MITF: variants seen among roughly 807,000 people sequenced by gnomAD.
MITF encodes microphthalmia-associated transcription factor.
MITF carries 17 observed loss-of-function variants against 60.5 expected under a neutral mutation model. That is an observed-to-expected ratio of 0.28 (90% CI 0.19 to 0.42). The LOEUF is 0.42. MITF is among the 10% of genes least tolerant of loss of function. The pLI is 1.00. For synonymous variants in MITF, 260 were observed against 248.5 expected, an observed-to-expected ratio of 1.05 and a Z score of -0.43; for missense variants, 622 against 683.5, an observed-to-expected ratio of 0.91 and a Z score of 1.00.
chr3:69,793,695 A>C (rs1020759107), intron 1 of MITF, among the ~76,000 whole-genome samples: 7 of 152,222 alleles, frequency 4.6e-5, no homozygotes, highest in Admixed American at 3.3e-4. Context: ...ACTTTTCTTT[A>C]TGTATTCACC....
chr3:69,911,001 T>A (rs1311611819), intron 2 of MITF, among the ~76,000 whole-genome samples: 2 of 152,050 alleles, frequency 1.3e-5, no homozygotes. Flanking sequence ...TACCCAAATC[T>A]CAACTTGAAT....
chr3:69,923,056 C>G (rs544284452), intron 2 of MITF, among the ~76,000 whole-genome samples: 4 of 152,092 alleles, frequency 2.6e-5, no homozygotes, highest in South Asian at 2.1e-4. Context: ...TCAGGAGAAG[C>G]CTTATTTATA....
chr3:69,777,187 A>T (rs1184326630), intron 1 of MITF, among the ~76,000 whole-genome samples: 1 of 152,214 alleles, frequency 6.6e-6, no homozygotes, highest in East Asian at 1.9e-4. Flanking sequence ...ATAAAAAAAA[A>T]TTAAAAAGTC....
chr3:69,943,161 C>T (rs937961158), intron 5 of MITF, among the ~76,000 whole-genome samples: 7 of 149,676 alleles, frequency 4.7e-5, no homozygotes, highest in Non-Finnish European at 8.9e-5. Flanking sequence ...CTTCCTCCCT[C>T]AAGTAGCTGG....
At chr3:69,779,768 C>T (rs1309094394) in intron 1 of MITF, among the ~76,000 whole-genome samples, 1 of 152,082 alleles carries the variant, frequency 6.6e-6, no homozygotes, top group Non-Finnish European at 1.5e-5. Flanking sequence ...GTGAGAAGTA[C>T]TGAGATATCC....
intron 1 of MITF, among the ~76,000 whole-genome samples, chr3:69,787,820 C>T (rs772786687): frequency 5.9e-5 from 9 of 152,140 alleles, no homozygotes; most frequent in Non-Finnish European, 1.3e-4. Context: ...ACAAAAATTA[C>T]ACCACTGATA....
intron 1 of MITF, among the ~76,000 whole-genome samples, chr3:69,796,098 CA>C (rs1182242025): frequency 2.0e-5 from 3 of 152,194 alleles, no homozygotes; most frequent in African/African-American, 7.2e-5. Flanking sequence ...TCTCCTGTCT[CA>C]GACTCCCGAG....
Position 69,910,634 on chromosome 3 carries a change from C to G in MITF, c.355-27188C>G, listed in dbSNP as rs980150391. Among the ~76,000 whole-genome samples, 4 of 152,338 alleles carry G rather than the reference C, an allele frequency of 2.6e-5. No individual in the cohort carries two copies. In the South Asian group the frequency reaches 6.2e-4, roughly 24 times the overall value. On this transcript the variant is annotated intron_variant, in intron 2 of 9. Coordinates refer to ENST00000352241, the MANE Select transcript of MITF (RefSeq NM_001354604.2). The stretch of plus-strand genomic sequence containing the variant: ...GCATCAGCATGACCTGGACGTAAGA[C>G]TTGGAGTCAAAGGAAATCATTTTGG...
intron 1 of MITF, among the ~76,000 whole-genome samples, 193 bp downstream of exon 1, chr3:69,739,894 C>T (rs1033918937): frequency 6.6e-6 from 1 of 152,192 alleles, no homozygotes; most frequent in African/African-American, 2.4e-5. Flanking sequence ...TTAGGAAGCT[C>T]GGATGGAGCG....
chr3:69,845,130 G>T (rs9828215), intron 1 of MITF, among the ~76,000 whole-genome samples: 1 of 151,770 alleles, frequency 6.6e-6, no homozygotes, highest in Non-Finnish European at 1.5e-5. Context: ...CTTGAATTAT[G>T]TTTCCTTCAT....
intron 1 of MITF, among the ~76,000 whole-genome samples, chr3:69,853,815 G>A (rs1452509575): frequency 6.6e-6 from 1 of 150,424 alleles, no homozygotes; most frequent in Non-Finnish European, 1.5e-5. Context: ...CTGATGTGTA[G>A]TGATGCATTG....
intron 1 of MITF, among the ~76,000 whole-genome samples, chr3:69,742,912 TC>T (rs897932755): frequency 3.3e-5 from 5 of 152,224 alleles, no homozygotes; most frequent in African/African-American, 1.2e-4. Context: ...TATATTTTTT[TC>T]CCATAGGGCT....
intron 1 of MITF, among the ~76,000 whole-genome samples, chr3:69,775,714 T>G (rs2062463133): frequency 6.6e-6 from 1 of 152,172 alleles, no homozygotes; most frequent in Non-Finnish European, 1.5e-5. Flanking sequence ...TTCATAATCC[T>G]TTTTTGGAGG....
At chr3:69,798,726 T>G (rs759367414) in intron 1 of MITF, among the ~76,000 whole-genome samples, 7 of 152,260 alleles carry the variant, frequency 4.6e-5, no homozygotes, top group Non-Finnish European at 8.8e-5. Context: ...CCCATAGTGC[T>G]TTAGCAACAG....
chr3:69,867,531 A>G (rs962660693), intron 1 of MITF, among the ~76,000 whole-genome samples: 4 of 151,962 alleles, frequency 2.6e-5, no homozygotes, highest in Non-Finnish European at 5.9e-5. Flanking sequence ...TTAATTACTC[A>G]CCTCTATAAA....
chr3:69,881,875 G>A (rs1156442785), intron 2 of MITF, among the ~76,000 whole-genome samples: 2 of 151,954 alleles, frequency 1.3e-5, no homozygotes, highest in African/African-American at 4.8e-5. Context: ...ATTTTTAAAG[G>A]TTTAACTTGC....
chr3:69,749,659 A>G (rs1703856193), intron 1 of MITF, among the ~76,000 whole-genome samples: 1 of 152,262 alleles, frequency 6.6e-6, no homozygotes, highest in Non-Finnish European at 1.5e-5. Flanking sequence ...ACCTAAAAAT[A>G]TAAGCAACTG....
intron 9 of MITF, among the ~76,000 whole-genome samples, chr3:69,960,007 A>G (rs1217872250): frequency 1.3e-5 from 2 of 152,208 alleles, no homozygotes; most frequent in African/African-American, 4.8e-5. Context: ...AACATACATA[A>G]AACAAGATTA....
Position 69,951,805 on chromosome 3 carries a change from TG to T in MITF, c.881-6del. On this transcript the variant is annotated splice_region_variant and splice_polypyrimidine_tract_variant and intron_variant, in intron 6 of 9. Coordinates refer to ENST00000352241, the MANE Select transcript of MITF (RefSeq NM_001354604.2). ...CCAACTTCTAATGACTTCATTCACG[TG>T]CACAGCGTGTATTTTTCCCACAGAG... 6.2e-7 allele frequency: 1 copy of T among 1,612,410 alleles called. No individual in the cohort carries two copies. The highest frequency in any genetic ancestry group is 1.1e-5 in the South Asian group (1 of 91,032).
Sources: allele counts gnomAD v4.1 joint callset (sites outside exome capture counted in the v4.1 genomes callset), GRCh38; gene constraint gnomAD v4.1.1; transcripts MANE v1.5; gene names NCBI Gene and HGNC (gene_info 2026-07-23, HGNC 2026-07-21).